Variants in DCHS2 observed in about 807,000 individuals in gnomAD.
DCHS2 encodes dachsous cadherin-related 2.
Under a neutral mutation model 182.4 loss-of-function variants are expected in DCHS2, and 142 were observed. The ratio of observed to expected loss-of-function variants is 0.78; its 90% confidence interval spans 0.68 to 0.89. The LOEUF (loss-of-function observed/expected upper bound fraction) is 0.89. Among genes scored for constraint, DCHS2 ranks in the 40% least tolerant of loss-of-function variants. The pLI, the probability that DCHS2 is intolerant of heterozygous loss-of-function variation, is 0.00. For missense variants in DCHS2, 4,319 were observed against 4,198.6 expected (o/e 1.03, Z -0.79); for synonymous variants, 1,740 against 1,663.3 (o/e 1.05, Z -1.12).
chr4:154,418,671 G>C lies in DCHS2; in HGVS notation c.2053-41227C>G, dbSNP rs186617007. Among the ~76,000 whole-genome samples, 8 of 152,146 alleles carry C rather than the reference G, an allele frequency of 5.3e-5. No homozygotes were observed. In the East Asian group the frequency reaches 1.4e-3, roughly 26 times the overall value. On this transcript the variant is annotated intron_variant, in intron 1 of 19. Transcript: ENST00000357232. ...TTTGTAATATCTCCTTTTCTACCCT[G>C]ATATAAATTTTTTATGACATCGATA...
chr4:154,305,337 G>T, intron 10 of DCHS2, 106 bp from the exon 11 acceptor site: 1 of 1,330,094 alleles, frequency 7.5e-7, no homozygotes, highest in Non-Finnish European at 9.8e-7. Flanking sequence ...GATGAAAATG[G>T]CAAGATTCTC....
At position 154,297,986 on chromosome 4, in the gene DCHS2, A is replaced by G; in HGVS notation, c.6328T>C (p.Leu2110=). 1.2e-6 allele frequency: 2 copies of G among 1,614,040 alleles called. No individual in the cohort carries two copies. Among genetic ancestry groups the G allele is most frequent in the Non-Finnish European group, 8.5e-7 (1 of 1,179,984 alleles). The change falls in exon 13 of 20, where the codon TTA becomes CTA. Residue 2110 remains leucine (L), a synonymous_variant. Transcript: ENST00000357232. The part of the protein sequence containing the change: ...SSEYFPIWLQ[L]KVTDQGIPAR... ...GGAATGCCCTGGTCTGTAACTTTTA[A>G]CTGCAGCCAGATAGGGAAGTATTCT...
intron 3 of DCHS2, among the ~76,000 whole-genome samples, chr4:154,360,405 A>G (rs1429124454): frequency 6.6e-6 from 1 of 152,076 alleles, no homozygotes; most frequent in Non-Finnish European, 1.5e-5. Flanking sequence ...GGTACGAGAA[A>G]CCTAATGAAG....
intron 7 of DCHS2, 90 bp from the exon 8 acceptor site, chr4:154,322,578 G>A (rs1736107737): frequency 7.1e-7 from 1 of 1,407,320 alleles, no homozygotes; most frequent in Non-Finnish European, 9.3e-7. Flanking sequence ...TCATTTGGAA[G>A]ATTTGTTTGC....
At chr4:154,286,997 A>C (rs186794732) in intron 13 of DCHS2, among the ~76,000 whole-genome samples, 1 of 152,302 alleles carries the variant, frequency 6.6e-6, no homozygotes, top group Admixed American at 6.5e-5. Flanking sequence ...GCTCCAATAC[A>C]TCTGGAAGTA....
intron 1 of DCHS2, among the ~76,000 whole-genome samples, chr4:154,389,846 T>C (rs370905188): frequency 5.1e-4 from 78 of 151,982 alleles, no homozygotes; most frequent in African/African-American, 1.8e-3. Context: ...GAATAGAGTG[T>C]CTGCACAGGA....
Position 154,333,031 on chromosome 4 carries a change from G to A in DCHS2, c.3177C>T (p.Gly1059=), listed in dbSNP as rs1353118349. Residue 1059 remains glycine (G), a synonymous_variant, in exon 5 of 20, where the codon GGC becomes GGT. Coordinates refer to ENST00000357232, the MANE Select transcript of DCHS2 (RefSeq NM_001358235.2). ...CCAGCAGGGCTGCCTGAGGATGCAC[G>A]CCTTGGTCCTCGGCCCTGAGAGTCA... ...LTLTLRAEDQ[G]VHPQAALLVL... is the part of the protein sequence containing the mutation. The A allele has an allele frequency of 3.7e-6, 6 of 1,614,152 alleles. No homozygotes were observed. Among genetic ancestry groups the A allele is most frequent in the Middle Eastern group, 3.3e-4 (2 of 6,062 alleles).
intron 16 of DCHS2, among the ~76,000 whole-genome samples, chr4:154,250,103 G>T (rs897531256): frequency 2.0e-5 from 3 of 152,164 alleles, no homozygotes; most frequent in South Asian, 2.1e-4. Flanking sequence ...AGAAATGTGA[G>T]CATCCATGGA....
Position 154,304,699 on chromosome 4 carries a change from T to C in DCHS2, c.5575A>G (p.Asn1859Asp). Residue 1859 changes from asparagine (N) to aspartate (D), a missense_variant, in exon 12 of 20, where the codon AAT (asparagine) becomes GAT (aspartate). Transcript: ENST00000357232. ...TVLASDMDAG[N>D]NRAVEYHIID... is the part of the protein sequence containing the mutation. ...ATGTGATATTCAACAGCTCTGTTATTGCCAGCATCCATATCAGAGGCTAAA... is the reference window on the plus strand; with the variant it reads ...ATGTGATATTCAACAGCTCTGTTATCGCCAGCATCCATATCAGAGGCTAAA... 6.2e-7 allele frequency: 1 copy of C among 1,613,276 alleles called. No homozygotes were observed. Among genetic ancestry groups the C allele is most frequent in the Non-Finnish European group, 8.5e-7 (1 of 1,179,618 alleles).
chr4:154,254,137 A>C (rs961367475), intron 16 of DCHS2, among the ~76,000 whole-genome samples: 3 of 152,192 alleles, frequency 2.0e-5, no homozygotes, highest in Admixed American at 2.0e-4. Flanking sequence ...CGAGGATTAA[A>C]TAGAATACAG....
intron 17 of DCHS2, among the ~76,000 whole-genome samples, chr4:154,241,538 C>CAGAT (rs1731827554): frequency 1.3e-5 from 2 of 152,228 alleles, no homozygotes; most frequent in South Asian, 4.2e-4. Flanking sequence ...TTTAATCTTA[C>CAGAT]AGATATGGTA....
Position 154,235,508 on chromosome 4 carries a change from C to T in DCHS2, c.9144G>A (p.Val3048=), listed in dbSNP as rs1255763976. The T allele has an allele frequency of 6.2e-7, 1 of 1,613,964 alleles. No individual in the cohort carries two copies. The highest frequency in any genetic ancestry group is 8.5e-7 in the Non-Finnish European group (1 of 1,179,984). The change falls in exon 20 of 20, where the codon GTG becomes GTA. Residue 3048 remains valine, a synonymous_variant. Transcript: ENST00000357232. ...ADLRVTRDAS[V]LKAFQKTDDC... is the part of the protein sequence containing the mutation. ...CGTCAGTTTTCTGGAAGGCTTTGAG[C>T]ACACTGGCATCCCGGGTCACTCTCA...
intron 19 of DCHS2, chr4:154,237,401 TTG>T: frequency 2.2e-6 from 1 of 456,766 alleles, no homozygotes; most frequent in East Asian, 4.7e-5. Context: ...CTGCTTGAGG[TTG>T]CTGTTGCCAC....
intron 1 of DCHS2, among the ~76,000 whole-genome samples, chr4:154,425,586 A>C (rs1733291057): frequency 6.6e-6 from 1 of 152,202 alleles, no homozygotes; most frequent in African/African-American, 2.4e-5. Context: ...TTTAACACTT[A>C]GCAGGAACTG....
At chr4:154,248,786 C>T (rs1182257030) in intron 16 of DCHS2, among the ~76,000 whole-genome samples, 1 of 152,078 alleles carries the variant, frequency 6.6e-6, no homozygotes, top group African/African-American at 2.4e-5. Context: ...GAACCACACA[C>T]GTACAACCAT....
At chr4:154,329,742 C>A in intron 5 of DCHS2, 32 bp from the exon 6 acceptor site, 1 of 1,575,008 alleles carries the variant, frequency 6.3e-7, no homozygotes, top group Non-Finnish European at 8.7e-7. Flanking sequence ...AAGACACAGG[C>A]ACTGTGTACC....
intron 19 of DCHS2, chr4:154,237,581 T>C (rs547703281): frequency 6.3e-6 from 1 of 157,826 alleles, no homozygotes; most frequent in African/African-American, 2.4e-5. Flanking sequence ...TCAAGCCAAA[T>C]GAAAGCAGTA....
intron 1 of DCHS2, among the ~76,000 whole-genome samples, chr4:154,433,381 GTTTTTTTTTTTTCCTTTTT>G (rs1733639340): frequency 7.8e-6 from 1 of 127,550 alleles, no homozygotes; most frequent in Admixed American, 8.8e-5. Context: ...CAAATAACTA[GTTTTTTTTTTTTCCTTTTT>G]TTTTTTTTTT....
intron 7 of DCHS2, among the ~76,000 whole-genome samples, chr4:154,324,194 A>C (rs916917555): frequency 1.3e-5 from 2 of 152,174 alleles, no homozygotes; most frequent in Non-Finnish European, 2.9e-5. Context: ...GTTGTATTTC[A>C]ATATATTGCC....
Sources: allele counts gnomAD v4.1 joint callset (sites outside exome capture counted in the v4.1 genomes callset), GRCh38; gene constraint gnomAD v4.1.1; transcripts MANE v1.5; gene names NCBI Gene and HGNC (gene_info 2026-07-23, HGNC 2026-07-21).